The following STEAP3 variants were observed in gnomAD, a reference collection of about 807,000 sequenced individuals.
The protein encoded by STEAP3 is STEAP3 metalloreductase, also known as metalloreductase STEAP3.
In STEAP3, 35 loss-of-function variants were observed where a neutral mutation model predicts 34.9. The observed-to-expected ratio is 1.00, with a 90% CI of 0.76 to 1.33. The LOEUF (loss-of-function observed/expected upper bound fraction) is 1.33, where lower values mean the gene tolerates loss of function less well. Among genes scored for constraint, STEAP3 ranks in the 40% most tolerant of loss-of-function variants. The pLI is 0.00. For missense variants in STEAP3, 652 were observed against 667.6 expected (o/e 0.98, Z 0.26); for synonymous variants, 281 against 301.6 (o/e 0.93, Z 0.71).
At chr2:119,225,739 T>C (rs1161372454) in intron 1 of STEAP3, among the ~76,000 whole-genome samples, 1 of 152,222 alleles carries the variant, frequency 6.6e-6, no homozygotes, top group African/African-American at 2.4e-5. Flanking sequence ...GGGGATAGTC[T>C]GGCTTTGGAG....
intron 1 of STEAP3, among the ~76,000 whole-genome samples, chr2:119,230,179 C>T: frequency 6.6e-6 from 1 of 152,200 alleles, no homozygotes; most frequent in South Asian, 2.1e-4. Flanking sequence ...AATGGGCTTG[C>T]ACATAATTCA....
At chr2:119,226,470 T>G (rs1032221763) in intron 1 of STEAP3, among the ~76,000 whole-genome samples, 1 of 152,168 alleles carries the variant, frequency 6.6e-6, no homozygotes, top group Admixed American at 6.5e-5. Context: ...CTTTCCTCCC[T>G]CTAGGAGTTG....
At chr2:119,240,803 C>G (rs1167988532) in intron 2 of STEAP3, among the ~76,000 whole-genome samples, 1 of 152,204 alleles carries the variant, frequency 6.6e-6, no homozygotes, top group Non-Finnish European at 1.5e-5. Flanking sequence ...CCCATCTGCT[C>G]CCTCTCCAGT....
intron 1 of STEAP3, among the ~76,000 whole-genome samples, chr2:119,228,561 G>A (rs1194542963): frequency 6.6e-6 from 1 of 152,182 alleles, no homozygotes; most frequent in Non-Finnish European, 1.5e-5. Flanking sequence ...CAGAAAGAAG[G>A]TGGTGCCTGG....
At position 119,235,416 on chromosome 2, in the gene STEAP3, GA is replaced by G. The variant is rs112200095; in HGVS notation, c.22+4391del. 4.1e-3 allele frequency among the ~76,000 whole-genome samples: 618 copies of G among 151,586 alleles called. 4 individuals are homozygous for G. Among genetic ancestry groups the G allele is most frequent in the African/African-American group, 0.012 (494 of 41,332 alleles). The stretch of plus-strand genomic sequence containing the variant: ...GCTGGGCCAACTGTAAAGACCCAGG[GA>G]AAAAAAAAGTCAAAACTGAGTTGCT... On this transcript the variant is annotated intron_variant, in intron 2 of 5. Coordinates refer to ENST00000393110, the MANE Select transcript of STEAP3 (RefSeq NM_182915.3).
chr2:119,250,433 T>C (rs377516654), intron 4 of STEAP3, among the ~76,000 whole-genome samples: 1 of 135,650 alleles, frequency 7.4e-6, no homozygotes, highest in Non-Finnish European at 1.6e-5. Context: ...TCAAGCTCTC[T>C]CCTAGTGCTA....
chr2:119,247,482 G>T lies in STEAP3; in HGVS notation c.523-197G>T, dbSNP rs189535758. ...TGGCTTGGCAGGTGGGCCAGAGGCTGGGAGGCCTGGGCAGCAGAGAAAAGA... is the reference window on the plus strand; with the variant it reads ...TGGCTTGGCAGGTGGGCCAGAGGCTTGGAGGCCTGGGCAGCAGAGAAAAGA... On this transcript the variant is annotated intron_variant, in intron 3 of 5. Coordinates refer to ENST00000393110, the MANE Select transcript of STEAP3 (RefSeq NM_182915.3). Among the ~76,000 whole-genome samples the T allele has an allele frequency of 5.9e-5, 9 of 152,310 alleles. No individual in the cohort carries two copies. In the East Asian group the frequency reaches 1.7e-3, roughly 29 times the overall value.
At chr2:119,258,424 G>A (rs1390099043) in intron 5 of STEAP3, among the ~76,000 whole-genome samples, 1 of 151,874 alleles carries the variant, frequency 6.6e-6, no homozygotes, top group African/African-American at 2.4e-5. Flanking sequence ...ATTTTACCCA[G>A]CCCCCCATTC....
At chr2:119,237,478 G>A (rs956488785) in intron 2 of STEAP3, among the ~76,000 whole-genome samples, 1 of 152,174 alleles carries the variant, frequency 6.6e-6, no homozygotes, top group Non-Finnish European at 1.5e-5. Context: ...CCCAGCCAGG[G>A]AGGGAATCCA....
intron 2 of STEAP3, among the ~76,000 whole-genome samples, chr2:119,235,452 A>C (rs932334497): frequency 3.3e-5 from 5 of 152,216 alleles, no homozygotes; most frequent in African/African-American, 4.8e-5. Flanking sequence ...TCTTGCATGC[A>C]AGTGAGTGGT....
At chr2:119,254,543 G>T in intron 4 of STEAP3, 141 bp from the exon 5 acceptor site, 1 of 889,856 alleles carries the variant, frequency 1.1e-6, no homozygotes, top group Non-Finnish European at 1.8e-6. Flanking sequence ...TAATGCCTGA[G>T]AAACGCTTAT....
intron 2 of STEAP3, among the ~76,000 whole-genome samples, chr2:119,240,142 T>C (rs1677204672): frequency 6.6e-6 from 1 of 152,210 alleles, no homozygotes; most frequent in Non-Finnish European, 1.5e-5. Flanking sequence ...AGGCAGAGGT[T>C]GCAGTGAGTC....
At chr2:119,243,610 G>A (rs972183775) in intron 2 of STEAP3, among the ~76,000 whole-genome samples, 36 of 152,222 alleles carry the variant, frequency 2.4e-4, no homozygotes, top group African/African-American at 6.5e-4. Context: ...TGTATGGTAG[G>A]CATCCATTAA....
chr2:119,257,548 A>G (rs1677810781), intron 5 of STEAP3: 2 of 1,544,578 alleles, frequency 1.3e-6, no homozygotes, highest in African/African-American at 1.4e-5. Context: ...GCCCCGCATC[A>G]TCAGACAAGT....
Position 119,247,697 on chromosome 2 carries a change from C to G in STEAP3, c.541C>G (p.Gln181Glu), listed in dbSNP as rs1488243319. The change falls in exon 4 of 6, where the codon CAG becomes GAG. Residue 181 changes from glutamine (Q) to glutamate (E), a missense_variant. Physicochemically the swap from Gln to Glu is conservative, Grantham distance 29. Coordinates refer to ENST00000393110, the MANE Select transcript of STEAP3 (RefSeq NM_182915.3). ...CCCGCAGGTGCCCATCTGCGGTGAC[C>G]AGCCAGAAGCCAAGCGTGCTGTCTC... ...GNRQVPICGD[Q>E]PEAKRAVSEM... 4 of 1,540,690 alleles carry G rather than the reference C, an allele frequency of 2.6e-6. No homozygotes were observed. In the Admixed American group the frequency reaches 7.6e-5, roughly 29 times the overall value.
intron 5 of STEAP3, among the ~76,000 whole-genome samples, chr2:119,260,222 G>A (rs1210960988): frequency 2.6e-5 from 4 of 152,078 alleles, no homozygotes; most frequent in Non-Finnish European, 4.4e-5. Context: ...AGTCCACAAT[G>A]AGGAGGGGTG....
intron 2 of STEAP3, chr2:119,245,036 A>T (rs755370014): frequency 6.0e-6 from 1 of 166,536 alleles, no homozygotes; most frequent in African/African-American, 2.4e-5. Flanking sequence ...AAATGTAGAC[A>T]AGCATAGGGA....
Position 119,248,202 on chromosome 2 carries a change from A to G in STEAP3, c.1046A>G (p.Lys349Arg), listed in dbSNP as rs759800863. Residue 349 changes from lysine to arginine, a missense_variant, in exon 4 of 6, where the codon AAG becomes AGG. By Grantham distance (26) the Lys-to-Arg change is conservative. Transcript: ENST00000393110. ...HRYDLVNLAVKQVLANKSHLW... is the reference protein window; with the variant it reads ...HRYDLVNLAVRQVLANKSHLW... ...TACGACCTGGTCAACCTGGCAGTCA[A>G]GCAGGTACCCACCCCATGCCCTTCC... is the stretch of plus-strand genomic sequence containing the variant. 3.8e-6 allele frequency: 6 copies of G among 1,581,814 alleles called. No homozygotes were observed. In the Admixed American group the frequency reaches 8.5e-5, roughly 22 times the overall value.
Position 119,265,475 on chromosome 2 carries a change from G to A in STEAP3, c.*2137G>A, listed in dbSNP as rs1470331880. ...GAGAGCACATCATCTCCACAGCCTG[G>A]TAAATTCCATGTGCCTCTGGGTACA... On this transcript the variant is annotated 3_prime_UTR_variant, in exon 6 of 6. Transcript: ENST00000393110. 1.3e-5 allele frequency: 2 copies of A among 152,138 alleles called. No individual in the cohort carries two copies. The highest frequency in any genetic ancestry group is 2.4e-5 in the African/African-American group (1 of 41,422). The allele number at this position is 152,138 out of a possible 1,614,324, so 9.4% of individuals were successfully genotyped here.
Sources: allele counts gnomAD v4.1 joint callset (sites outside exome capture counted in the v4.1 genomes callset), GRCh38; gene constraint gnomAD v4.1.1; transcripts MANE v1.5; gene names NCBI Gene and HGNC (gene_info 2026-07-23, HGNC 2026-07-21).